The following TMPRSS15 variants were observed in gnomAD, a reference collection of about 807,000 sequenced individuals.
TMPRSS15 encodes the protein transmembrane serine protease 15, also known as enteropeptidase.
Under a neutral mutation model 125.3 loss-of-function variants are expected in TMPRSS15, and 128 were observed. The observed-to-expected ratio is 1.02, with a 90% confidence interval of 0.89 to 1.18. The LOEUF (loss-of-function observed/expected upper bound fraction) is 1.18, where lower values mean the gene tolerates loss of function less well. TMPRSS15 is among the 50% of genes most tolerant of loss of function. The pLI is 0.00. For missense variants in TMPRSS15, 1,283 were observed against 1,212.7 expected (o/e 1.06, Z -0.86); for synonymous variants, 446 against 423.2 (o/e 1.05, Z -0.66).
chr21:18,426,606 A>AT (rs2076203096), intron 1 of TMPRSS15, among the ~76,000 whole-genome samples: 1 of 152,184 alleles, frequency 6.6e-6, no homozygotes, highest in Non-Finnish European at 1.5e-5. Context: ...ACGCTATGTG[A>AT]TAAAAAGCTA....
At chr21:18,271,663 A>G (rs1054962206) in intron 24 of TMPRSS15, among the ~76,000 whole-genome samples, 2 of 151,860 alleles carry the variant, frequency 1.3e-5, no homozygotes, top group Non-Finnish European at 2.9e-5. Flanking sequence ...GGTTTGTTAC[A>G]TAGGTATACG....
intron 1 of TMPRSS15, among the ~76,000 whole-genome samples, chr21:18,464,441 A>G (rs1254462957): frequency 6.6e-6 from 1 of 152,122 alleles, no homozygotes; most frequent in Admixed American, 6.5e-5. Flanking sequence ...TAGAGACACG[A>G]GAAACCCTTC....
chr21:18,346,926 C>T (rs964588169), intron 10 of TMPRSS15, among the ~76,000 whole-genome samples: 1 of 152,188 alleles, frequency 6.6e-6, no homozygotes, highest in African/African-American at 2.4e-5. Flanking sequence ...GTTATGACCT[C>T]AATGTCATTT....
At chr21:18,272,008 T>C (rs539638886) in intron 24 of TMPRSS15, among the ~76,000 whole-genome samples, 4 of 152,330 alleles carry the variant, frequency 2.6e-5, no homozygotes, top group Admixed American at 2.0e-4. Context: ...TGGTTCCAAG[T>C]CTTTGCTATT....
At chr21:18,395,095 A>G (rs1366670619) in intron 3 of TMPRSS15, among the ~76,000 whole-genome samples, 1 of 152,202 alleles carries the variant, frequency 6.6e-6, no homozygotes, top group Non-Finnish European at 1.5e-5. Flanking sequence ...AGAACAAGGA[A>G]AACTAAAGGT....
chr21:18,337,640 T>C (rs1033319451), intron 13 of TMPRSS15, among the ~76,000 whole-genome samples: 3 of 152,182 alleles, frequency 2.0e-5, no homozygotes, highest in Admixed American at 6.5e-5. Flanking sequence ...TTCCTCAGAC[T>C]AGGCACAATG....
At chr21:18,289,788 C>T (rs2074811835) in intron 21 of TMPRSS15, among the ~76,000 whole-genome samples, 1 of 149,514 alleles carries the variant, frequency 6.7e-6, no homozygotes, top group Non-Finnish European at 1.5e-5. Context: ...ATATGATTGC[C>T]CACCCACGTG....
chr21:18,308,324 C>A (rs982089177), intron 18 of TMPRSS15, among the ~76,000 whole-genome samples: 1 of 151,854 alleles, frequency 6.6e-6, no homozygotes, highest in Non-Finnish European at 1.5e-5. Context: ...TCTGAAAGCT[C>A]CCCATGTTTA....
intron 18 of TMPRSS15, among the ~76,000 whole-genome samples, chr21:18,300,267 TTC>T (rs1440622575): frequency 6.6e-6 from 1 of 151,452 alleles, no homozygotes; most frequent in South Asian, 2.1e-4. Flanking sequence ...CTCTCTTTCT[TTC>T]TCTCTTCTTT....
At chr21:18,457,666 C>T (rs1280794899) in intron 1 of TMPRSS15, among the ~76,000 whole-genome samples, 3 of 152,038 alleles carry the variant, frequency 2.0e-5, no homozygotes, top group Non-Finnish European at 2.9e-5. Context: ...AGCAGTTGGG[C>T]TAATAAGAAA....
At chr21:18,274,556 A>G (rs1174292894) in intron 24 of TMPRSS15, among the ~76,000 whole-genome samples, 1 of 152,198 alleles carries the variant, frequency 6.6e-6, no homozygotes, top group Non-Finnish European at 1.5e-5. Flanking sequence ...ATTTATTGCA[A>G]TATTGACATT....
intron 1 of TMPRSS15, among the ~76,000 whole-genome samples, chr21:18,453,658 C>A (rs1217395203): frequency 6.6e-6 from 1 of 152,016 alleles, no homozygotes; most frequent in Non-Finnish European, 1.5e-5. Flanking sequence ...AGGTAAATAC[C>A]CAAAAGAATT....
intron 7 of TMPRSS15, among the ~76,000 whole-genome samples, chr21:18,360,655 T>G (rs1455773661): frequency 1.3e-5 from 2 of 152,154 alleles, no homozygotes; most frequent in Admixed American, 6.6e-5. Flanking sequence ...TTTGTCTTTT[T>G]GCCAGTACGT....
intron 8 of TMPRSS15, among the ~76,000 whole-genome samples, chr21:18,358,882 A>G (rs1164355963): frequency 1.3e-5 from 2 of 152,072 alleles, no homozygotes; most frequent in Non-Finnish European, 2.9e-5. Context: ...AAATTATTCA[A>G]TAGGATTCAC....
chr21:18,343,336 A>C (rs1264966020), intron 12 of TMPRSS15, among the ~76,000 whole-genome samples, 170 bp downstream of exon 12: 1 of 152,238 alleles, frequency 6.6e-6, no homozygotes, highest in Non-Finnish European at 1.5e-5. Context: ...AGGCTATTGA[A>C]TAAATAAAAA....
chr21:18,324,925 C>T (rs1470198762), intron 16 of TMPRSS15, among the ~76,000 whole-genome samples: 5 of 152,084 alleles, frequency 3.3e-5, no homozygotes, highest in Admixed American at 1.3e-4. Flanking sequence ...AAATAATTGG[C>T]AAACAAACAT....
rs1225137152 is a variant in TMPRSS15, at chr21:18,281,114, T to G, written c.2594A>C (p.Asn865Thr). The G allele has an allele frequency of 1.2e-6, 2 of 1,613,996 alleles. No homozygotes were observed. The highest frequency in any genetic ancestry group is 2.7e-5 in the African/African-American group (2 of 74,998). Reference protein sequence around the residue: ...VPRLIDEIVINPHYNRRRKDN... With the variant: ...VPRLIDEIVITPHYNRRRKDN... Reference sequence around the variant, plus strand: ...CTTTCTTCGCCTATTGTAATGAGGGTTTATGACAATTTCATCTATTAATCG... The same window carrying G: ...CTTTCTTCGCCTATTGTAATGAGGGGTTATGACAATTTCATCTATTAATCG... Residue 865 changes from asparagine to threonine, a missense_variant, in exon 22 of 25, where the codon AAC becomes ACC. Asn to Thr is a moderately conservative substitution (Grantham distance 65). Coordinates refer to ENST00000284885, the MANE Select transcript of TMPRSS15 (RefSeq NM_002772.3).
At chr21:18,287,470 G>A (rs1038333959) in intron 21 of TMPRSS15, among the ~76,000 whole-genome samples, 6 of 152,014 alleles carry the variant, frequency 3.9e-5, no homozygotes, top group African/African-American at 1.5e-4. Flanking sequence ...TGTAACAAGT[G>A]GTTATGCAAA....
intron 1 of TMPRSS15, among the ~76,000 whole-genome samples, chr21:18,401,443 G>A (rs1029553698): frequency 6.6e-6 from 1 of 152,144 alleles, no homozygotes; most frequent in Non-Finnish European, 1.5e-5. Context: ...CATGGATGCA[G>A]CTAGAGGCCA....
Sources: allele counts gnomAD v4.1 joint callset (sites outside exome capture counted in the v4.1 genomes callset), GRCh38; gene constraint gnomAD v4.1.1; transcripts MANE v1.5; gene names NCBI Gene and HGNC (gene_info 2026-07-23, HGNC 2026-07-21).